The following KCNIP4 variants were observed in gnomAD, a reference collection of about 807,000 sequenced individuals.
The protein encoded by KCNIP4 is potassium voltage-gated channel interacting protein 4.
In KCNIP4, 12 loss-of-function variants were observed where a neutral mutation model predicts 34.0. The observed-to-expected ratio is 0.35, with a 90% CI of 0.23 to 0.57. The LOEUF (loss-of-function observed/expected upper bound fraction) is 0.57. KCNIP4 is among the 20% of genes least tolerant of loss of function. KCNIP4 has a pLI of 0.83. For missense variants in KCNIP4, 238 were observed against 311.7 expected, an observed-to-expected ratio of 0.76 and a Z score of 1.78; for synonymous variants, 124 against 102.2, an observed-to-expected ratio of 1.21 and a Z score of -1.29.
intron 1 of KCNIP4, among the ~76,000 whole-genome samples, chr4:21,136,375 T>C (rs1751501445): frequency 2.0e-5 from 3 of 152,312 alleles, no homozygotes; most frequent in South Asian, 4.1e-4. Flanking sequence ...AGCAGAAAAG[T>C]ACACACGCAC....
chr4:21,467,103 CACACACACACACACAA>C (rs1465085987), intron 1 of KCNIP4, among the ~76,000 whole-genome samples: 4 of 148,974 alleles, frequency 2.7e-5, no homozygotes, highest in Admixed American at 6.7e-5. Flanking sequence ...CACACACACA[CACACACACACACACAA>C]AACAGAACAT....
intron 1 of KCNIP4, among the ~76,000 whole-genome samples, chr4:21,649,574 A>G (rs1362530961): frequency 6.6e-6 from 1 of 152,222 alleles, no homozygotes; most frequent in Non-Finnish European, 1.5e-5. Context: ...CATGTGATCC[A>G]TAGTGAAACA....
Position 21,545,460 on chromosome 4 carries a change from C to T in KCNIP4, c.61+403111G>A, listed in dbSNP as rs563148894. Reference sequence around the variant, plus strand: ...TGCAGTTTTATTACATGGCTATACACGTGCCATGGTGGTTTGCTGCACCCA... The same window carrying T: ...TGCAGTTTTATTACATGGCTATACATGTGCCATGGTGGTTTGCTGCACCCA... On this transcript the variant is annotated intron_variant, in intron 1 of 8. Transcript: ENST00000382152. 2.6e-5 allele frequency among the ~76,000 whole-genome samples: 4 copies of T among 152,192 alleles called. No individual in the cohort carries two copies. In the East Asian group the frequency reaches 7.7e-4, roughly 29 times the overall value.
At chr4:21,082,177 A>AT (rs1258763004) in intron 1 of KCNIP4, among the ~76,000 whole-genome samples, 1 of 151,626 alleles carries the variant, frequency 6.6e-6, no homozygotes, top group African/African-American at 2.4e-5. Context: ...AAATATAATG[A>AT]TTTTTTCTCA....
intron 1 of KCNIP4, among the ~76,000 whole-genome samples, chr4:20,922,717 T>G (rs939460093): frequency 1.3e-5 from 2 of 152,218 alleles, no homozygotes; most frequent in African/African-American, 4.8e-5. Flanking sequence ...TCTTAGAGAC[T>G]ATAATGTACT....
rs143261304 is a variant in KCNIP4, at chr4:21,305,962, C to G, written c.62-423253G>C. On this transcript the variant is annotated intron_variant, in intron 1 of 8. Coordinates refer to ENST00000382152, the MANE Select transcript of KCNIP4 (RefSeq NM_025221.6). ...TTCTCTCCATTAAAGGGTAGGCTGC[C>G]AGAGGGCAGAGATCATGCCTTGCTA... Among the ~76,000 whole-genome samples, 5 of 152,272 alleles carry G rather than the reference C, an allele frequency of 3.3e-5. No individual in the cohort carries two copies. The East Asian group carries it at 9.7e-4, about 29-fold the overall frequency.
intron 1 of KCNIP4, among the ~76,000 whole-genome samples, chr4:21,430,369 T>G (rs947463202): frequency 5.3e-5 from 8 of 151,492 alleles, no homozygotes; most frequent in Non-Finnish European, 8.8e-5. Flanking sequence ...AAGGGAGGGT[T>G]TATCAGTGGT....
intron 1 of KCNIP4, among the ~76,000 whole-genome samples, chr4:21,346,080 T>TGTA (rs1461577641): frequency 7.9e-6 from 1 of 127,242 alleles, no homozygotes; most frequent in African/African-American, 2.9e-5. Flanking sequence ...ATATATATAT[T>TGTA]TAAGATATTT....
intron 1 of KCNIP4, among the ~76,000 whole-genome samples, chr4:21,640,873 A>C (rs948757492): frequency 6.6e-6 from 1 of 152,134 alleles, no homozygotes; most frequent in Non-Finnish European, 1.5e-5. Flanking sequence ...ACAGATAGGG[A>C]TTCTACTTAA....
At chr4:21,504,041 C>T (rs1733579902) in intron 1 of KCNIP4, among the ~76,000 whole-genome samples, 1 of 152,164 alleles carries the variant, frequency 6.6e-6, no homozygotes, top group African/African-American at 2.4e-5. Flanking sequence ...GCTCCAATTC[C>T]AAGCACTCTC....
At chr4:20,839,948 C>T (rs980239764) in intron 3 of KCNIP4, among the ~76,000 whole-genome samples, 2 of 152,182 alleles carry the variant, frequency 1.3e-5, no homozygotes, top group African/African-American at 4.8e-5. Context: ...GGCCTGCTTG[C>T]AAGGCTAGCC....
intron 1 of KCNIP4, among the ~76,000 whole-genome samples, chr4:21,667,963 T>C (rs181373677): frequency 6.6e-6 from 1 of 152,188 alleles, no homozygotes; most frequent in African/African-American, 2.4e-5. Context: ...CTATTTAGCA[T>C]AGTATCTCAC....
rs1292564370 is a variant in KCNIP4 at position 21,723,026 on chromosome 4, AC to A, written c.61+225544del. Among the ~76,000 whole-genome samples, 187 of 152,250 alleles carry A rather than the reference AC, an allele frequency of 1.2e-3. 1 individual carries two copies. The highest frequency in any genetic ancestry group is 4.2e-3 in the African/African-American group (174 of 41,558). ...CCATAAGGATTCTCACTGTCTATCT[AC>A]CTAGACATTTGTTTTACATATATTT... On this transcript the variant is annotated intron_variant, in intron 1 of 8. Coordinates refer to ENST00000382152, the MANE Select transcript of KCNIP4 (RefSeq NM_025221.6).
At chr4:21,172,365 A>G (rs987480851) in intron 1 of KCNIP4, among the ~76,000 whole-genome samples, 8 of 152,184 alleles carry the variant, frequency 5.3e-5, no homozygotes, top group Non-Finnish European at 7.3e-5. Flanking sequence ...TAATCCATTT[A>G]ATACTGATAT....
intron 1 of KCNIP4, among the ~76,000 whole-genome samples, chr4:21,638,969 A>G (rs1488799997): frequency 1.3e-5 from 2 of 152,220 alleles, no homozygotes; most frequent in African/African-American, 4.8e-5. Context: ...GTTAACTGTG[A>G]GTAAAGAGTT....
chr4:21,018,946 G>A (rs896788179), intron 1 of KCNIP4, among the ~76,000 whole-genome samples: 1 of 152,086 alleles, frequency 6.6e-6, no homozygotes, highest in African/African-American at 2.4e-5. Context: ...TACTAGGGTT[G>A]CCATAACAAA....
In KCNIP4 at chr4:21,080,734, A is replaced by AT. The variant is rs552495524; in HGVS notation, c.62-198026dup. Among the ~76,000 whole-genome samples, 27 of 151,902 alleles carry AT rather than the reference A, an allele frequency of 1.8e-4. No individual in the cohort carries two copies. In the South Asian group the frequency reaches 5.6e-3, roughly 31 times the overall value. On this transcript the variant is annotated intron_variant, in intron 1 of 8. Transcript: ENST00000382152. ...TTATATATTTACTTTATTTATTCTA[A>AT]TTTTGTTATTCCTATACTGTCTAGG...
intron 1 of KCNIP4, among the ~76,000 whole-genome samples, chr4:21,437,712 A>G (rs1727069446): frequency 6.6e-6 from 1 of 152,250 alleles, no homozygotes; most frequent in Non-Finnish European, 1.5e-5. Flanking sequence ...ACGCAGTGAT[A>G]GTGTTCCTAA....
rs10020728 is a variant in KCNIP4, at chr4:20,893,044, C to T, written c.62-10335G>A. On this transcript the variant is annotated intron_variant, in intron 1 of 8. Coordinates refer to ENST00000382152, the MANE Select transcript of KCNIP4 (RefSeq NM_025221.6). The stretch of plus-strand genomic sequence containing the variant: ...TGCCAGTTTATGGGAGTTGTCCTAA[C>T]ACCCCATAGTCTGCACCCCCTTTTC... Among the ~76,000 whole-genome samples the T allele has an allele frequency of 6.1e-3, 922 of 152,282 alleles. 9 individuals are homozygous for T. Among genetic ancestry groups the T allele is most frequent in the African/African-American group, 0.021 (871 of 41,542 alleles).
Sources: gnomAD v4.1 joint callset for allele counts (sites outside exome capture counted in the v4.1 genomes callset) on GRCh38, gnomAD v4.1.1 for gene constraint, MANE v1.5 for transcripts, NCBI Gene and HGNC (gene_info 2026-07-23, HGNC 2026-07-21) for gene names.